The following SPTLC3 variants were observed in gnomAD, a reference collection of about 807,000 sequenced individuals.
SPTLC3 encodes the protein serine palmitoyltransferase 3.
SPTLC3 carries 36 observed loss-of-function variants against 59.3 expected under a neutral mutation model. The ratio of observed to expected loss-of-function variants is 0.61; its 90% CI spans 0.47 to 0.80. The LOEUF is 0.80. SPTLC3 is among the 30% of genes least tolerant of loss of function. The pLI is 0.00. For missense variants in SPTLC3, 625 were observed against 685.1 expected (o/e 0.91, Z 0.98); for synonymous variants, 257 against 240.8 (o/e 1.07, Z -0.62).
At chr20:13,084,244 G>A (rs1305391026) in intron 4 of SPTLC3, among the ~76,000 whole-genome samples, 1 of 152,178 alleles carries the variant, frequency 6.6e-6, no homozygotes, top group African/African-American at 2.4e-5. Flanking sequence ...AAACATGGAA[G>A]GAGGGGAATA....
At chr20:13,046,215 T>G (rs1431441) in intron 1 of SPTLC3, among the ~76,000 whole-genome samples, 94,010 of 151,860 alleles carry the variant, frequency 0.62, 29,537 homozygotes, top group South Asian at 0.67. Flanking sequence ...TTGTACCTTA[T>G]CGCATTCACC....
intron 10 of SPTLC3, among the ~76,000 whole-genome samples, chr20:13,157,025 A>G (rs1412653080): frequency 6.6e-6 from 1 of 152,240 alleles, no homozygotes; most frequent in South Asian, 2.1e-4. Context: ...AGAAGAGCTA[A>G]TATCACAGAG....
chr20:13,156,351 T>C (rs548646862), intron 10 of SPTLC3, among the ~76,000 whole-genome samples: 11 of 152,274 alleles, frequency 7.2e-5, no homozygotes, highest in Middle Eastern at 3.4e-3. Context: ...AGTCCGTAAG[T>C]AGTGAAAACA....
chr20:13,099,966 A>AATTTCAT, intron 6 of SPTLC3, among the ~76,000 whole-genome samples: 1 of 152,316 alleles, frequency 6.6e-6, no homozygotes. Flanking sequence ...GGGATTGTGG[A>AATTTCAT]ATTTCATGCA....
At chr20:13,048,172 T>G (rs1555788968) in intron 1 of SPTLC3, among the ~76,000 whole-genome samples, 1 of 150,082 alleles carries the variant, frequency 6.7e-6, no homozygotes, top group Non-Finnish European at 1.5e-5. Flanking sequence ...GCACCCAGAT[T>G]AAAGCATAAA....
chr20:13,120,680 G>A (rs1204148503), intron 8 of SPTLC3, among the ~76,000 whole-genome samples: 1 of 152,092 alleles, frequency 6.6e-6, no homozygotes, highest in African/African-American at 2.4e-5. Context: ...TGAAAACAAG[G>A]AGAAAAAAAT....
At chr20:13,142,336 C>T (rs1167034926) in intron 9 of SPTLC3, among the ~76,000 whole-genome samples, 1 of 152,130 alleles carries the variant, frequency 6.6e-6, no homozygotes, top group East Asian at 1.9e-4. Flanking sequence ...TGTGGTTGGA[C>T]CCTGAGATGG....
At position 13,009,076 on chromosome 20, in the gene SPTLC3, A is replaced by G; in HGVS notation, c.-192A>G. 1 of 581,806 alleles carries G rather than the reference A, an allele frequency of 1.7e-6. No individual in the cohort carries two copies. The highest frequency in any genetic ancestry group is 3.1e-6 in the Non-Finnish European group (1 of 326,530). 36.0% of individuals were successfully genotyped at this position (581,806 alleles called of 1,614,324 possible). A position where few individuals can be genotyped will look rare whatever the true frequency, so the allele number is the denominator to read the frequency against. On this transcript the variant is annotated 5_prime_UTR_variant, in exon 1 of 12. Transcript: ENST00000399002. ...ACGGGAGTTGAGAAGTATAAAGGTA[A>G]CCATTTGTTTTAGTTTCAACGATCT...
At chr20:13,119,426 T>C (rs879666112) in intron 8 of SPTLC3, among the ~76,000 whole-genome samples, 2 of 152,210 alleles carry the variant, frequency 1.3e-5, no homozygotes, top group Admixed American at 1.3e-4. Flanking sequence ...AGCTAGAGTA[T>C]TTTTAAGATG....
chr20:13,078,249 C>T (rs1458544095), intron 4 of SPTLC3, among the ~76,000 whole-genome samples: 2 of 148,788 alleles, frequency 1.3e-5, no homozygotes, highest in African/African-American at 4.9e-5. Flanking sequence ...TAAAAATTGG[C>T]ATTGAGACTA....
intron 2 of SPTLC3, among the ~76,000 whole-genome samples, chr20:13,052,040 C>T (rs186582985): frequency 3.3e-5 from 5 of 152,080 alleles, no homozygotes; most frequent in African/African-American, 9.7e-5. Context: ...ACAAACCAAA[C>T]GCAAACCCAG....
At chr20:13,058,759 A>G (rs561280724) in intron 2 of SPTLC3, among the ~76,000 whole-genome samples, 1 of 152,330 alleles carries the variant, frequency 6.6e-6, no homozygotes, top group East Asian at 1.9e-4. Flanking sequence ...AAGATTCTGT[A>G]GCTATAAACA....
intron 1 of SPTLC3, among the ~76,000 whole-genome samples, chr20:13,041,287 G>T (rs904924498): frequency 9.2e-5 from 14 of 151,564 alleles, no homozygotes; most frequent in Non-Finnish European, 4.4e-5. Context: ...TTTTCCTCTG[G>T]TTTTTTTGTT....
At chr20:13,112,676 C>A (rs970655171) in intron 7 of SPTLC3, among the ~76,000 whole-genome samples, 1 of 152,164 alleles carries the variant, frequency 6.6e-6, no homozygotes. Flanking sequence ...TCATTTCACC[C>A]ACACAGGAAT....
intron 1 of SPTLC3, among the ~76,000 whole-genome samples, chr20:13,016,561 T>C (rs1239825973): frequency 6.6e-6 from 1 of 152,174 alleles, no homozygotes; most frequent in African/African-American, 2.4e-5. Flanking sequence ...CTATCTACCT[T>C]ATCCTAACTT....
intron 1 of SPTLC3, among the ~76,000 whole-genome samples, chr20:13,018,658 A>G (rs953982646): frequency 2.0e-5 from 3 of 152,224 alleles, no homozygotes; most frequent in Admixed American, 6.5e-5. Flanking sequence ...ATATCTGCCA[A>G]TTACAAATTA....
intron 4 of SPTLC3, among the ~76,000 whole-genome samples, chr20:13,087,683 C>T (rs528765397): frequency 6.6e-6 from 1 of 152,330 alleles, no homozygotes; most frequent in East Asian, 1.9e-4. Context: ...ATGTCTGACA[C>T]TATGGCCATC....
At chr20:13,123,775 G>A (rs1323115493) in intron 8 of SPTLC3, among the ~76,000 whole-genome samples, 3 of 152,034 alleles carry the variant, frequency 2.0e-5, no homozygotes, top group South Asian at 2.1e-4. Flanking sequence ...ATCCCTCATG[G>A]CCAGATCACA....
rs550696776 is a variant in SPTLC3 at position 13,093,475 on chromosome 20, T to C, written c.733-9T>C. ...TGGCTTGTGTTTTGTGTGCTTGTTT[T>C]CTGCACAGGGATGCCTCATTTTAAG... On this transcript the variant is annotated splice_polypyrimidine_tract_variant and intron_variant, in intron 5 of 11. Transcript: ENST00000399002. 22 of 1,611,662 alleles carry C rather than the reference T, an allele frequency of 1.4e-5. No homozygotes were observed. The South Asian group carries it at 1.8e-4, about 13-fold the overall frequency.
Sources: gnomAD v4.1 joint callset for allele counts (sites outside exome capture counted in the v4.1 genomes callset) on GRCh38, gnomAD v4.1.1 for gene constraint, MANE v1.5 for transcripts, NCBI Gene and HGNC (gene_info 2026-07-23, HGNC 2026-07-21) for gene names.